The following DNER variants were observed in gnomAD, a reference collection of about 807,000 sequenced individuals.
DNER encodes delta and Notch-like epidermal growth factor-related receptor.
A neutral mutation model predicts 78.2 loss-of-function variants in DNER; 33 were observed. The observed-to-expected ratio is 0.42, with a 90% CI of 0.32 to 0.56. DNER has a LOEUF of 0.56. Among genes scored for constraint, DNER ranks in the 20% least tolerant of loss-of-function variants. DNER has a pLI of 0.11. For synonymous variants in DNER, 417 were observed against 384.8 expected (o/e 1.08, Z -0.98); for missense variants, 918 against 975.3 (o/e 0.94, Z 0.78).
At chr2:229,475,951 C>T (rs922588365) in intron 7 of DNER, among the ~76,000 whole-genome samples, 2 of 152,206 alleles carry the variant, frequency 1.3e-5, no homozygotes, top group Non-Finnish European at 2.9e-5. Context: ...CTGCAAAGTG[C>T]TCTATGTGAG....
intron 4 of DNER, among the ~76,000 whole-genome samples, chr2:229,579,669 T>C (rs1697357893): frequency 1.3e-5 from 2 of 152,144 alleles, no homozygotes; most frequent in African/African-American, 4.8e-5. Flanking sequence ...ATCCATGAAG[T>C]GGATCTTTGA....
At chr2:229,701,519 T>C (rs1699745986) in intron 1 of DNER, among the ~76,000 whole-genome samples, 1 of 152,258 alleles carries the variant, frequency 6.6e-6, no homozygotes, top group African/African-American at 2.4e-5. Flanking sequence ...GCATCCTACT[T>C]TGGGGTACTT....
chr2:229,711,707 C>T (rs976870186), intron 1 of DNER, among the ~76,000 whole-genome samples: 3 of 152,168 alleles, frequency 2.0e-5, no homozygotes, highest in Admixed American at 1.3e-4. Context: ...AAAAGATCCT[C>T]TTTACATCCA....
chr2:229,465,721 A>AT (rs1694790852), intron 7 of DNER, among the ~76,000 whole-genome samples: 1 of 152,190 alleles, frequency 6.6e-6, no homozygotes, highest in Non-Finnish European at 1.5e-5. Context: ...AAAAGAAGAA[A>AT]TTAGGTTGGA....
chr2:229,447,250 A>G, intron 8 of DNER, 66 bp downstream of exon 8: 3 of 1,443,834 alleles, frequency 2.1e-6, no homozygotes, highest in Non-Finnish European at 2.8e-6. Flanking sequence ...AAGAAAAAGT[A>G]ATGGTCTTTT....
chr2:229,391,095 G>A (rs1049830590), intron 10 of DNER, among the ~76,000 whole-genome samples: 5 of 152,172 alleles, frequency 3.3e-5, no homozygotes, highest in Non-Finnish European at 7.3e-5. Context: ...AAGGATGACT[G>A]TTGTTCTCTG....
chr2:229,489,134 G>A (rs954756563), intron 6 of DNER, among the ~76,000 whole-genome samples: 3 of 152,232 alleles, frequency 2.0e-5, no homozygotes, highest in African/African-American at 7.2e-5. Context: ...GCTGGGCTTT[G>A]CGGTCAGCCA....
At chr2:229,522,667 T>C (rs941028303) in intron 5 of DNER, among the ~76,000 whole-genome samples, 19 of 152,222 alleles carry the variant, frequency 1.2e-4, no homozygotes, top group African/African-American at 4.6e-4. Flanking sequence ...AAATTACTAA[T>C]GAGAAGGGCT....
chr2:229,402,458 A>G (rs561823981), intron 10 of DNER, among the ~76,000 whole-genome samples: 1 of 152,364 alleles, frequency 6.6e-6, no homozygotes, highest in South Asian at 2.1e-4. Context: ...TACCATAAAA[A>G]TTGAACTAGA....
At chr2:229,448,407 G>A (rs534439758) in intron 7 of DNER, among the ~76,000 whole-genome samples, 5 of 152,134 alleles carry the variant, frequency 3.3e-5, no homozygotes, top group Admixed American at 6.5e-5. Context: ...GGAGTCCACT[G>A]GGGTGGATGG....
chr2:229,390,943 C>T (rs1183663380), intron 10 of DNER, among the ~76,000 whole-genome samples: 5 of 152,194 alleles, frequency 3.3e-5, no homozygotes, highest in African/African-American at 9.7e-5. Flanking sequence ...ACAAACCCTC[C>T]TACGCATCTA....
At chr2:229,472,181 G>C (rs1238622474) in intron 7 of DNER, among the ~76,000 whole-genome samples, 1 of 152,218 alleles carries the variant, frequency 6.6e-6, no homozygotes, top group Non-Finnish European at 1.5e-5. Context: ...AATAGTGTGA[G>C]AAAATACCTT....
rs1449165570 is a variant in DNER, at chr2:229,358,430, T to C, written c.*110A>G. ...GAAAATTAGTTCTTAAATATTCTAC[T>C]GAAAACTCTTGAGCAGCTAGCATTT... On this transcript the variant is annotated 3_prime_UTR_variant, in exon 13 of 13. Transcript: ENST00000341772. 7 of 882,210 alleles carry C rather than the reference T, an allele frequency of 7.9e-6. No homozygotes were observed. Among genetic ancestry groups the C allele is most frequent in the Middle Eastern group, 3.7e-4 (1 of 2,692 alleles). 54.6% of individuals were successfully genotyped at this position (882,210 alleles called of 1,614,324 possible). A position where few individuals can be genotyped will look rare whatever the true frequency, so the allele number is the denominator to read the frequency against.
At chr2:229,424,805 T>G (rs903326246) in intron 8 of DNER, among the ~76,000 whole-genome samples, 3 of 152,170 alleles carry the variant, frequency 2.0e-5, no homozygotes, top group Admixed American at 6.5e-5. Context: ...ACTGTTGGTA[T>G]TTTGGACCAG....
chr2:229,462,833 T>G (rs1253307385), intron 7 of DNER, among the ~76,000 whole-genome samples: 1 of 152,042 alleles, frequency 6.6e-6, no homozygotes, highest in African/African-American at 2.4e-5. Context: ...TGGCCTCCAT[T>G]CAGTTTCCAG....
At chr2:229,532,655 G>A (rs747481571) in intron 5 of DNER, among the ~76,000 whole-genome samples, 10 of 152,238 alleles carry the variant, frequency 6.6e-5, no homozygotes, top group Non-Finnish European at 1.5e-4. Flanking sequence ...GCCCAGGGAA[G>A]CCGACCAATT....
At chr2:229,375,816 A>T (rs1692584313) in intron 11 of DNER, among the ~76,000 whole-genome samples, 1 of 152,216 alleles carries the variant, frequency 6.6e-6, no homozygotes, top group Non-Finnish European at 1.5e-5. Flanking sequence ...TAATCCATAC[A>T]GTTAGGCTTT....
chr2:229,537,218 A>C (rs1574890952), intron 5 of DNER, among the ~76,000 whole-genome samples: 1 of 151,784 alleles, frequency 6.6e-6, no homozygotes, highest in South Asian at 2.1e-4. Context: ...CATAAGGTCA[A>C]CCCCCGACCC....
chr2:229,399,190 TA>T (rs1405396109), intron 10 of DNER, among the ~76,000 whole-genome samples: 2 of 151,740 alleles, frequency 1.3e-5, no homozygotes, highest in Non-Finnish European at 3.0e-5. Flanking sequence ...AAAAAAATCC[TA>T]AAACTAGTAA....
Sources: gnomAD v4.1 joint callset for allele counts (sites outside exome capture counted in the v4.1 genomes callset) on GRCh38, gnomAD v4.1.1 for gene constraint, MANE v1.5 for transcripts, NCBI Gene and HGNC (gene_info 2026-07-23, HGNC 2026-07-21) for gene names.